Variants in ACSS3 observed in about 807,000 individuals in gnomAD.
ACSS3 encodes acyl-CoA synthetase short-chain family member 3, mitochondrial.
A neutral mutation model predicts 84.2 loss-of-function variants in ACSS3; 64 were observed. The observed-to-expected ratio is 0.76, with a 90% CI of 0.62 to 0.94. The LOEUF is 0.94. Among genes scored for constraint, ACSS3 ranks in the 40% least tolerant of loss-of-function variants. ACSS3 has a pLI of 0.00. For synonymous variants in ACSS3, 317 were observed against 310.1 expected, an observed-to-expected ratio of 1.02 and a Z score of -0.23; for missense variants, 815 against 867.6, an observed-to-expected ratio of 0.94 and a Z score of 0.76.
intron 9 of ACSS3, among the ~76,000 whole-genome samples, chr12:81,208,438 G>A (rs1003274131): frequency 1.3e-5 from 2 of 151,876 alleles, no homozygotes; most frequent in African/African-American, 4.8e-5. Context: ...ATATCCCAGG[G>A]GGTTAACTTG....
chr12:81,164,107 T>C (rs938248544), intron 7 of ACSS3, among the ~76,000 whole-genome samples: 5 of 152,196 alleles, frequency 3.3e-5, no homozygotes, highest in African/African-American at 1.2e-4. Flanking sequence ...CCTAGTTCTA[T>C]AAGCTCCATT....
At chr12:81,144,903 C>CTTTTTTTTTTTTTTTTT (rs1292727483) in intron 5 of ACSS3, among the ~76,000 whole-genome samples, 2 of 116,976 alleles carry the variant, frequency 1.7e-5, no homozygotes, top group East Asian at 2.4e-4. Flanking sequence ...TTTTTCTTTT[C>CTTTTTTTTTTTTTTTTT]TTTTTTTTTT....
At chr12:81,206,524 T>G (rs1272931565) in intron 9 of ACSS3, among the ~76,000 whole-genome samples, 2 of 152,114 alleles carry the variant, frequency 1.3e-5, no homozygotes, top group African/African-American at 4.8e-5. Context: ...TTTGGTAAAT[T>G]TAACATGAGA....
chr12:81,219,626 A>G (rs1356004452), intron 10 of ACSS3, among the ~76,000 whole-genome samples: 4 of 152,106 alleles, frequency 2.6e-5, no homozygotes, highest in African/African-American at 9.6e-5. Context: ...TAAGTATTTT[A>G]TTTTTGTTGC....
intron 13 of ACSS3, among the ~76,000 whole-genome samples, chr12:81,236,036 C>A (rs929304617): frequency 6.6e-6 from 1 of 151,320 alleles, no homozygotes; most frequent in East Asian, 1.9e-4. Flanking sequence ...GAGCAGACAC[C>A]CTTGTCTTGA....
Position 81,143,122 on chromosome 12 carries a change from G to C in ACSS3, c.796G>C (p.Ala266Pro). ...TGCTGTGTAGGAGGCGGTTCCTTTG[G>C]CTCCCGGTCGTGACCTTGATTGGGA... ...NRPNMEAVPL[A>P]PGRDLDWDEE... The change falls in exon 5 of 16, where the codon GCT becomes CCT. Residue 266 changes from alanine to proline, a missense_variant. Coordinates refer to ENST00000548058, the MANE Select transcript of ACSS3 (RefSeq NM_024560.4). 6.2e-7 allele frequency: 1 copy of C among 1,612,454 alleles called. No individual in the cohort carries two copies. Among genetic ancestry groups the C allele is most frequent in the Middle Eastern group, 1.7e-4 (1 of 6,048 alleles).
intron 5 of ACSS3, among the ~76,000 whole-genome samples, chr12:81,146,600 G>GGAGTTGTCA (rs2135741178): frequency 6.6e-6 from 1 of 152,284 alleles, no homozygotes; most frequent in Non-Finnish European, 1.5e-5. Flanking sequence ...TGCCAACCCT[G>GGAGTTGTCA]GAGTTGTCAA....
chr12:81,239,105 T>C (rs2033712529), intron 13 of ACSS3, among the ~76,000 whole-genome samples: 1 of 151,964 alleles, frequency 6.6e-6, no homozygotes, highest in South Asian at 2.1e-4. Context: ...AATATCTTCT[T>C]TGACTCATGT....
At chr12:81,211,591 A>G (rs1396168771) in intron 9 of ACSS3, among the ~76,000 whole-genome samples, 2 of 152,164 alleles carry the variant, frequency 1.3e-5, no homozygotes, top group Non-Finnish European at 2.9e-5. Flanking sequence ...TGATGTTTAG[A>G]AAGCCACAGA....
intron 8 of ACSS3, among the ~76,000 whole-genome samples, chr12:81,185,649 T>C (rs770743426): frequency 4.6e-5 from 7 of 151,588 alleles, no homozygotes; most frequent in Non-Finnish European, 7.4e-5. Context: ...TGGAAAACTA[T>C]ATTGGTACGG....
At chr12:81,239,961 A>G (rs958614475) in intron 13 of ACSS3, among the ~76,000 whole-genome samples, 1 of 152,010 alleles carries the variant, frequency 6.6e-6, no homozygotes, top group Admixed American at 6.6e-5. Context: ...GGGAGGAATT[A>G]GGAATTTTTG....
intron 7 of ACSS3, among the ~76,000 whole-genome samples, chr12:81,170,590 GT>G (rs2029959965): frequency 6.6e-6 from 1 of 152,010 alleles, no homozygotes; most frequent in South Asian, 2.1e-4. Context: ...TAAACAACTG[GT>G]AACCACATTG....
chr12:81,109,234 T>C (rs918245636), intron 1 of ACSS3, among the ~76,000 whole-genome samples: 1 of 152,200 alleles, frequency 6.6e-6, no homozygotes, highest in Non-Finnish European at 1.5e-5. Context: ...TACATACCAT[T>C]TATTTCATCT....
intron 2 of ACSS3, among the ~76,000 whole-genome samples, chr12:81,130,625 A>G (rs1463588620): frequency 6.6e-6 from 1 of 152,094 alleles, no homozygotes; most frequent in Non-Finnish European, 1.5e-5. Flanking sequence ...GAAGCTCTTT[A>G]GTTTAATTAG....
chr12:81,126,324 A>C (rs1267729172), intron 2 of ACSS3, among the ~76,000 whole-genome samples: 4 of 152,198 alleles, frequency 2.6e-5, no homozygotes, highest in Non-Finnish European at 5.9e-5. Flanking sequence ...TAAAAAGTGG[A>C]TGCAATCCTT....
chr12:81,181,963 A>C (rs2030967160), intron 8 of ACSS3, among the ~76,000 whole-genome samples: 1 of 152,170 alleles, frequency 6.6e-6, no homozygotes, highest in Non-Finnish European at 1.5e-5. Flanking sequence ...AGAAGGGAAG[A>C]GACAGAGAAA....
At chr12:81,139,675 C>T (rs1885992222) in intron 4 of ACSS3, among the ~76,000 whole-genome samples, 1 of 148,796 alleles carries the variant, frequency 6.7e-6, no homozygotes, top group Non-Finnish European at 1.5e-5. Flanking sequence ...CTCACTCTGT[C>T]GCCCAGGCTG....
At chr12:81,215,972 G>A (rs1196436586) in intron 9 of ACSS3, among the ~76,000 whole-genome samples, 1 of 152,084 alleles carries the variant, frequency 6.6e-6, no homozygotes, top group Non-Finnish European at 1.5e-5. Context: ...GCAGAGTATA[G>A]TCATCTTCCT....
intron 7 of ACSS3, among the ~76,000 whole-genome samples, chr12:81,158,650 G>C (rs1565696800): frequency 6.6e-6 from 1 of 151,946 alleles, no homozygotes; most frequent in Non-Finnish European, 1.5e-5. Context: ...TGTACCACAT[G>C]CTCCTGTTTC....
Sources: gnomAD v4.1 joint callset for allele counts (sites outside exome capture counted in the v4.1 genomes callset) on GRCh38, gnomAD v4.1.1 for gene constraint, MANE v1.5 for transcripts, NCBI Gene and HGNC (gene_info 2026-07-23, HGNC 2026-07-21) for gene names.